PRKG1: variants seen among roughly 807,000 people sequenced by gnomAD.
The protein encoded by PRKG1 is cGMP-dependent protein kinase 1.
In PRKG1, 35 loss-of-function variants were observed where a neutral mutation model predicts 88.1. The ratio of observed to expected loss-of-function variants is 0.40; its 90% CI spans 0.30 to 0.53. The LOEUF is 0.53. Ranked by LOEUF, PRKG1 falls within the 20% of genes least tolerant of loss-of-function variation. The pLI, the probability that PRKG1 is intolerant of heterozygous loss-of-function variation, is 0.59. For synonymous variants in PRKG1, 303 were observed against 292.5 expected (o/e 1.04, Z -0.37); for missense variants, 540 against 839.8 (o/e 0.64, Z 4.41).
intron 1 of PRKG1, among the ~76,000 whole-genome samples, chr10:51,067,570 G>C (rs1031363964): frequency 6.6e-6 from 1 of 151,890 alleles, no homozygotes; most frequent in African/African-American, 2.4e-5. Flanking sequence ...AAAAGTTGTA[G>C]TCAACATAGA....
intron 2 of PRKG1, among the ~76,000 whole-genome samples, chr10:51,291,178 T>A (rs896372502): frequency 6.6e-6 from 1 of 152,146 alleles, no homozygotes; most frequent in African/African-American, 2.4e-5. Flanking sequence ...GCCCCTGACC[T>A]TTTTGCAAGA....
At chr10:51,312,455 G>A (rs1004725093) in intron 2 of PRKG1, among the ~76,000 whole-genome samples, 10 of 152,166 alleles carry the variant, frequency 6.6e-5, no homozygotes, top group African/African-American at 2.4e-4. Flanking sequence ...CTCACTGTCA[G>A]GGTGACCCAT....
chr10:51,723,859 A>G (rs1842070453), intron 3 of PRKG1, among the ~76,000 whole-genome samples: 1 of 152,226 alleles, frequency 6.6e-6, no homozygotes, highest in Non-Finnish European at 1.5e-5. Flanking sequence ...GGATCATGTT[A>G]GGTGAAACTA....
At chr10:51,507,412 C>T (rs1415785766) in intron 3 of PRKG1, among the ~76,000 whole-genome samples, 2 of 150,610 alleles carry the variant, frequency 1.3e-5, no homozygotes, top group African/African-American at 4.8e-5. Context: ...CTGAAGAAAA[C>T]GTGTGTGGGA....
rs190148341 is a variant in PRKG1, at chr10:51,804,261, T to G, written c.593-324T>G. Among the ~76,000 whole-genome samples the G allele has an allele frequency of 4.1e-4, 62 of 152,268 alleles. 1 individual carries two copies. The East Asian group carries it at 0.011, about 26-fold the overall frequency. ...CCTCTTTTTTCTTCACGCTATTTTC[T>G]TCATATATAGCCTTGATTTACAAAA... On this transcript the variant is annotated intron_variant, in intron 3 of 17. Coordinates refer to ENST00000373980, the MANE Select transcript of PRKG1 (RefSeq NM_006258.4).
intron 2 of PRKG1, among the ~76,000 whole-genome samples, chr10:51,373,732 C>T (rs1042088082): frequency 1.3e-5 from 2 of 152,156 alleles, no homozygotes; most frequent in African/African-American, 2.4e-5. Context: ...GAAACAAGAT[C>T]ATGTCCTTTG....
intron 7 of PRKG1, among the ~76,000 whole-genome samples, chr10:52,091,893 A>G (rs1053235576): frequency 6.6e-6 from 1 of 152,312 alleles, no homozygotes; most frequent in African/African-American, 2.4e-5. Context: ...AATGTACAAT[A>G]ATCATCTTTT....
chr10:51,163,192 C>G (rs1275716984), intron 2 of PRKG1, among the ~76,000 whole-genome samples: 1 of 152,122 alleles, frequency 6.6e-6, no homozygotes, highest in African/African-American at 2.4e-5. Flanking sequence ...AAAAACAGAA[C>G]ACAAATAGAG....
intron 7 of PRKG1, among the ~76,000 whole-genome samples, chr10:52,111,444 A>G (rs944803668): frequency 6.6e-6 from 1 of 152,232 alleles, no homozygotes; most frequent in African/African-American, 2.4e-5. Flanking sequence ...AATGTAGTAC[A>G]TATTGTGATG....
chr10:51,835,134 T>C (rs1041078822), intron 4 of PRKG1, among the ~76,000 whole-genome samples: 3 of 152,212 alleles, frequency 2.0e-5, no homozygotes, highest in African/African-American at 7.2e-5. Flanking sequence ...GAGAAGATTA[T>C]GGGGCTTTGG....
intron 1 of PRKG1, among the ~76,000 whole-genome samples, chr10:51,108,667 C>T (rs1844906938): frequency 6.6e-6 from 1 of 152,178 alleles, no homozygotes; most frequent in Non-Finnish European, 1.5e-5. Flanking sequence ...CAGCTAACAT[C>T]ATACTTAATG....
intron 5 of PRKG1, among the ~76,000 whole-genome samples, chr10:51,988,432 A>G (rs1486289635): frequency 6.6e-6 from 1 of 152,050 alleles, no homozygotes; most frequent in Admixed American, 6.6e-5. Flanking sequence ...ATTATTAAAG[A>G]TTTCCAAATC....
At chr10:52,233,316 A>C (rs1315282178) in intron 9 of PRKG1, among the ~76,000 whole-genome samples, 1 of 152,186 alleles carries the variant, frequency 6.6e-6, no homozygotes, top group Non-Finnish European at 1.5e-5. Context: ...TAAATGGCAT[A>C]AAGAATTGTC....
chr10:52,213,264 T>C (rs1458428896), intron 9 of PRKG1, among the ~76,000 whole-genome samples: 1 of 151,942 alleles, frequency 6.6e-6, no homozygotes, highest in African/African-American at 2.4e-5. Flanking sequence ...ACAAACTGAG[T>C]TGGCAACAAA....
At chr10:52,168,827 A>G (rs1838572536) in intron 9 of PRKG1, among the ~76,000 whole-genome samples, 1 of 152,234 alleles carries the variant, frequency 6.6e-6, no homozygotes, top group African/African-American at 2.4e-5. Flanking sequence ...TGATCTGAAT[A>G]TTGGAGAGAA....
intron 2 of PRKG1, among the ~76,000 whole-genome samples, chr10:51,225,798 A>G (rs750123892): frequency 6.6e-6 from 1 of 152,224 alleles, no homozygotes; most frequent in Non-Finnish European, 1.5e-5. Context: ...TTCACTGTAT[A>G]GAACTCACAG....
At chr10:51,668,266 T>G (rs547309638) in intron 3 of PRKG1, among the ~76,000 whole-genome samples, 1 of 152,324 alleles carries the variant, frequency 6.6e-6, no homozygotes, top group African/African-American at 2.4e-5. Context: ...GAAAACCACG[T>G]ATAGTGATAA....
chr10:51,492,974 C>T (rs1840746970), intron 3 of PRKG1, among the ~76,000 whole-genome samples: 1 of 152,052 alleles, frequency 6.6e-6, no homozygotes, highest in Admixed American at 6.6e-5. Context: ...TTTCCTTGAA[C>T]CAGTAATTAG....
chr10:51,383,490 A>G (rs1462712779), intron 2 of PRKG1, among the ~76,000 whole-genome samples: 2 of 152,166 alleles, frequency 1.3e-5, no homozygotes, highest in Non-Finnish European at 2.9e-5. Context: ...GGCTATTAGT[A>G]TAATTACCAC....
Sources: gnomAD v4.1 joint callset for allele counts (sites outside exome capture counted in the v4.1 genomes callset) on GRCh38, gnomAD v4.1.1 for gene constraint, MANE v1.5 for transcripts, NCBI Gene and HGNC (gene_info 2026-07-23, HGNC 2026-07-21) for gene names.